Variants in SDK1 observed in about 807,000 individuals in gnomAD.
The protein encoded by SDK1 is sidekick cell adhesion molecule 1, also known as protein sidekick-1.
In SDK1, 157 loss-of-function variants were observed where a neutral mutation model predicts 245.5. That is an observed-to-expected ratio of 0.64 (90% confidence interval 0.56 to 0.73). The LOEUF (loss-of-function observed/expected upper bound fraction) is 0.73, where lower values mean the gene tolerates loss of function less well. Among genes scored for constraint, SDK1 ranks in the 30% least tolerant of loss-of-function variants. The pLI is 0.00. For missense variants in SDK1, 3,583 were observed against 3,002.3 expected, an observed-to-expected ratio of 1.19 and a Z score of -4.52; for synonymous variants, 1,647 against 1,278.5, an observed-to-expected ratio of 1.29 and a Z score of -6.15.
chr7:4,017,904 C>G (rs6957181), intron 17 of SDK1, among the ~76,000 whole-genome samples: 1 of 152,258 alleles, frequency 6.6e-6, no homozygotes, highest in Non-Finnish European at 1.5e-5. Flanking sequence ...CGTCATGAAG[C>G]CAGTGGTTCT....
At chr7:3,341,437 G>C (rs1055350082) in intron 1 of SDK1, among the ~76,000 whole-genome samples, 1 of 152,128 alleles carries the variant, frequency 6.6e-6, no homozygotes, top group Non-Finnish European at 1.5e-5. Flanking sequence ...CTCTCAGGTT[G>C]GGAACAAGGC....
chr7:4,128,915 G>C (rs1446685211), intron 26 of SDK1, among the ~76,000 whole-genome samples: 1 of 102,448 alleles, frequency 9.8e-6, no homozygotes, highest in African/African-American at 3.7e-5. Context: ...GTCCCCTGGA[G>C]GAGAGCAGCT....
At chr7:3,878,746 A>G (rs1206157190) in intron 5 of SDK1, among the ~76,000 whole-genome samples, 1 of 152,074 alleles carries the variant, frequency 6.6e-6, no homozygotes, top group Non-Finnish European at 1.5e-5. Flanking sequence ...CTTCTCACCC[A>G]CCTTCTCATA....
chr7:3,797,607 T>G (rs1778994421), intron 4 of SDK1, among the ~76,000 whole-genome samples: 1 of 152,188 alleles, frequency 6.6e-6, no homozygotes, highest in Non-Finnish European at 1.5e-5. Flanking sequence ...ATAGATCTAA[T>G]TTATTCTTTT....
intron 1 of SDK1, among the ~76,000 whole-genome samples, chr7:3,317,084 G>A (rs2128545572): frequency 6.7e-6 from 1 of 150,160 alleles, no homozygotes; most frequent in South Asian, 2.1e-4. Context: ...GAGGGGCTGA[G>A]GTGGGAGAAT....
chr7:3,570,109 T>G (rs1780060984), intron 1 of SDK1, among the ~76,000 whole-genome samples: 1 of 152,134 alleles, frequency 6.6e-6, no homozygotes, highest in African/African-American at 2.4e-5. Flanking sequence ...CAGTGTCCAG[T>G]TGGTTTGGGC....
At chr7:4,164,346 G>T (rs1315185278) in intron 32 of SDK1, among the ~76,000 whole-genome samples, 5 of 152,280 alleles carry the variant, frequency 3.3e-5, no homozygotes, top group Admixed American at 3.3e-4. Context: ...AAGAACAGAA[G>T]GTCACAAAGG....
At chr7:3,344,266 A>C (rs552509279) in intron 1 of SDK1, among the ~76,000 whole-genome samples, 7 of 152,186 alleles carry the variant, frequency 4.6e-5, no homozygotes, top group Non-Finnish European at 8.8e-5. Flanking sequence ...ATATATCCTA[A>C]TTTTTCATCT....
At chr7:4,260,090 C>G (rs903799359) in intron 44 of SDK1, among the ~76,000 whole-genome samples, 5 of 152,040 alleles carry the variant, frequency 3.3e-5, no homozygotes, top group South Asian at 2.1e-4. Context: ...GCTCTGGGGT[C>G]TCTGTGTGTG....
intron 1 of SDK1, among the ~76,000 whole-genome samples, chr7:3,479,222 G>C (rs1290406340): frequency 6.6e-6 from 1 of 151,956 alleles, no homozygotes; most frequent in Non-Finnish European, 1.5e-5. Flanking sequence ...AGGAGTTCGA[G>C]ACCATCCTGG....
intron 4 of SDK1, among the ~76,000 whole-genome samples, chr7:3,685,804 C>T (rs2163686): frequency 0.84 from 127,528 of 151,990 alleles, 53,649 homozygotes; most frequent in Non-Finnish European, 0.86. Flanking sequence ...TAAATCACAA[C>T]GGACTTCTAA....
Position 3,451,446 on chromosome 7 carries a change from G to A in SDK1, c.298+149562G>A, listed in dbSNP as rs188376366. 4.0e-3 allele frequency among the ~76,000 whole-genome samples: 608 copies of A among 151,966 alleles called. 19 individuals carry two copies. Among genetic ancestry groups the A allele is most frequent in the Admixed American group, 0.032 (494 of 15,230 alleles). Reference sequence around the variant, plus strand: ...CTGAGGAAATGGAGGGAAGAGAGAGGGTCAGGGGACTTGGACACGGGGAAG... The same window carrying A: ...CTGAGGAAATGGAGGGAAGAGAGAGAGTCAGGGGACTTGGACACGGGGAAG... On this transcript the variant is annotated intron_variant, in intron 1 of 44. Coordinates refer to ENST00000404826, the MANE Select transcript of SDK1 (RefSeq NM_152744.4).
Position 4,091,314 on chromosome 7 carries a change from TTGC to T in SDK1, c.3324+11731_3324+11733del, listed in dbSNP as rs200596382. Reference sequence around the variant, plus strand: ...AGTGCTGGCTTAGATTTCTCCACATTTGCCATTTTCTTTTCTTTTCTTTTTTTT... The same window carrying T: ...AGTGCTGGCTTAGATTTCTCCACATTCATTTTCTTTTCTTTTCTTTTTTTT... On this transcript the variant is annotated intron_variant, in intron 22 of 44. Coordinates refer to ENST00000404826, the MANE Select transcript of SDK1 (RefSeq NM_152744.4). Among the ~76,000 whole-genome samples, 653 of 149,122 alleles carry T rather than the reference TTGC, an allele frequency of 4.4e-3. 5 individuals are homozygous for T. Among genetic ancestry groups the T allele is most frequent in the African/African-American group, 0.016 (626 of 39,614 alleles).
chr7:3,564,049 C>G (rs539136723), intron 1 of SDK1, among the ~76,000 whole-genome samples: 1 of 151,894 alleles, frequency 6.6e-6, no homozygotes, highest in African/African-American at 2.4e-5. Context: ...TCAAGCAGTA[C>G]TTAAAAGGAC....
chr7:3,397,018 T>C (rs953457375), intron 1 of SDK1, among the ~76,000 whole-genome samples: 10 of 151,844 alleles, frequency 6.6e-5, no homozygotes, highest in African/African-American at 2.4e-4. Flanking sequence ...GTATATATTT[T>C]GAGTTACTTT....
At chr7:3,660,128 C>T (rs1783307342) in intron 4 of SDK1, among the ~76,000 whole-genome samples, 1 of 151,790 alleles carries the variant, frequency 6.6e-6, no homozygotes, top group South Asian at 2.1e-4. Flanking sequence ...ATATTTAAGA[C>T]CTTGGAAATG....
At chr7:4,198,399 C>T (rs944340507) in intron 35 of SDK1, among the ~76,000 whole-genome samples, 4 of 152,238 alleles carry the variant, frequency 2.6e-5, no homozygotes, top group Admixed American at 2.6e-4. Flanking sequence ...CCCCAGGGCT[C>T]TTTGCACTTG....
chr7:3,343,562 A>G (rs1780411235), intron 1 of SDK1, among the ~76,000 whole-genome samples: 2 of 152,152 alleles, frequency 1.3e-5, no homozygotes, highest in African/African-American at 4.8e-5. Context: ...GTGGTGGTGG[A>G]AATACTCTAT....
intron 1 of SDK1, among the ~76,000 whole-genome samples, chr7:3,559,399 T>G (rs1260056169): frequency 6.6e-6 from 1 of 152,098 alleles, no homozygotes. Flanking sequence ...TGGATCCATT[T>G]CCAGGAAAAA....
Sources: gnomAD v4.1 joint callset for allele counts (sites outside exome capture counted in the v4.1 genomes callset) on GRCh38, gnomAD v4.1.1 for gene constraint, MANE v1.5 for transcripts, NCBI Gene and HGNC (gene_info 2026-07-23, HGNC 2026-07-21) for gene names.